The following BBX variants were observed in gnomAD, a reference collection of about 807,000 sequenced individuals.
BBX encodes BBX high mobility group box domain containing.
In BBX, 30 loss-of-function variants were observed where a neutral mutation model predicts 100.2. The ratio of observed to expected loss-of-function variants is 0.30; its 90% CI spans 0.22 to 0.41. The LOEUF (loss-of-function observed/expected upper bound fraction) is 0.41, where lower values mean the gene tolerates loss of function less well. Among genes scored for constraint, BBX ranks in the 10% least tolerant of loss-of-function variants. The pLI is 1.00. For missense variants in BBX, 1,023 were observed against 1,129.8 expected, an observed-to-expected ratio of 0.91 and a Z score of 1.35; for synonymous variants, 376 against 388.1, an observed-to-expected ratio of 0.97 and a Z score of 0.37.
intron 3 of BBX, among the ~76,000 whole-genome samples, chr3:107,653,748 A>G (rs1161508561): frequency 6.6e-6 from 1 of 152,174 alleles, no homozygotes. Context: ...ACATTACCAT[A>G]GGCACTTAGA....
chr3:107,716,411 AAGCAGAAGGATAC>A (rs1311154043), intron 4 of BBX, 183 bp from the exon 5 acceptor site: 1 of 619,282 alleles, frequency 1.6e-6, no homozygotes, highest in African/African-American at 1.8e-5. Context: ...TATAGAAACT[AAGCAGAAGGATAC>A]ATCATAAGTT....
chr3:107,628,292 G>T (rs911504649), intron 2 of BBX, among the ~76,000 whole-genome samples: 2 of 151,776 alleles, frequency 1.3e-5, no homozygotes, highest in Non-Finnish European at 1.5e-5. Context: ...AATAAGTAAA[G>T]ATATTGAATT....
chr3:107,591,380 G>A (rs558598), intron 2 of BBX, among the ~76,000 whole-genome samples: 23,982 of 152,128 alleles, frequency 0.16, 2,439 homozygotes, highest in African/African-American at 0.28. Flanking sequence ...ATTCAGGGGA[G>A]GAGTGTAAGT....
At chr3:107,633,541 T>C (rs1453931195) in intron 2 of BBX, among the ~76,000 whole-genome samples, 2 of 152,204 alleles carry the variant, frequency 1.3e-5, no homozygotes, top group South Asian at 2.1e-4. Flanking sequence ...GCGGACATGA[T>C]TGATTTCAGG....
intron 13 of BBX, among the ~76,000 whole-genome samples, chr3:107,781,604 C>T (rs544084353): frequency 1.3e-5 from 2 of 152,098 alleles, no homozygotes; most frequent in African/African-American, 4.8e-5. Context: ...TTTACATGTA[C>T]TGATAATGTA....
At chr3:107,541,242 C>T (rs2048840768) in intron 2 of BBX, among the ~76,000 whole-genome samples, 1 of 152,158 alleles carries the variant, frequency 6.6e-6, no homozygotes. Flanking sequence ...TTTGCAGTGG[C>T]TCCCCTGCGA....
At chr3:107,660,505 TA>T (rs34604623) in intron 3 of BBX, among the ~76,000 whole-genome samples, 41,140 of 100,982 alleles carry the variant, frequency 0.41, 8,828 homozygotes, top group Middle Eastern at 0.62. Flanking sequence ...CAAAAAGCAT[TA>T]AAAAAAAAAA....
chr3:107,570,041 A>G (rs1422060913), intron 2 of BBX, among the ~76,000 whole-genome samples: 2 of 152,176 alleles, frequency 1.3e-5, no homozygotes, highest in African/African-American at 4.8e-5. Context: ...AACATGGCTT[A>G]GGAGGAATCC....
In BBX at chr3:107,805,539, G is replaced by A; in HGVS notation, c.*82G>A. 6 of 1,610,398 alleles carry A rather than the reference G, an allele frequency of 3.7e-6. No individual in the cohort carries two copies. Among genetic ancestry groups the A allele is most frequent in the Non-Finnish European group, 4.2e-6 (5 of 1,177,962 alleles). On this transcript the variant is annotated 3_prime_UTR_variant, in exon 18 of 18. Coordinates refer to ENST00000325805, the MANE Select transcript of BBX (RefSeq NM_001142568.3). ...CCGAGGGATGCTAGTGAGTCCAAGT[G>A]GTGGAAAATATAGACTGCAAACAAG...
At position 107,716,677 on chromosome 3, in the gene BBX, A is replaced by C. The variant is rs766157331; in HGVS notation, c.233A>C (p.Gln78Pro). The C allele has an allele frequency of 6.2e-7, 1 of 1,613,868 alleles. No individual in the cohort carries two copies. The highest frequency in any genetic ancestry group is 8.5e-7 in the Non-Finnish European group (1 of 1,179,806). The change falls in exon 5 of 18, where the codon CAG becomes CCG. Residue 78 changes from glutamine (Q) to proline (P), a missense_variant. Coordinates refer to ENST00000325805, the MANE Select transcript of BBX (RefSeq NM_001142568.3). ...GETEDDESPE[Q>P]RARRPMNAFL... is the part of the protein sequence containing the mutation. ...ACTGAAGATGATGAATCACCAGAGCAGCGAGCCCGGAGACCAATGAATGCA... is the reference window on the plus strand; with the variant it reads ...ACTGAAGATGATGAATCACCAGAGCCGCGAGCCCGGAGACCAATGAATGCA...
chr3:107,579,537 A>T (rs2107544332), intron 2 of BBX, among the ~76,000 whole-genome samples: 2 of 152,310 alleles, frequency 1.3e-5, no homozygotes, highest in Middle Eastern at 6.8e-3. Flanking sequence ...TCCTGTCTGG[A>T]AGGGTCACAT....
At chr3:107,598,194 G>T (rs1273146517) in intron 2 of BBX, among the ~76,000 whole-genome samples, 4 of 152,082 alleles carry the variant, frequency 2.6e-5, no homozygotes, top group Admixed American at 6.5e-5. Flanking sequence ...ATTTCTAGGG[G>T]GTGTGTGTGT....
At position 107,747,833 on chromosome 3, in the gene BBX, C is replaced by T. The variant is rs796368292; in HGVS notation, c.751-132C>T. On this transcript the variant is annotated intron_variant, in intron 8 of 17. Coordinates refer to ENST00000325805, the MANE Select transcript of BBX (RefSeq NM_001142568.3). ...TTCCCTTATCATTTATACTGCTCTT[C>T]TAAAGGGATTGAGGGTAATGACTCA... 3 of 640,812 alleles carry T rather than the reference C, an allele frequency of 4.7e-6. No individual in the cohort carries two copies. The African/African-American group carries it at 5.6e-5, about 12-fold the overall frequency. The allele number at this position is 640,812 out of a possible 1,614,324, so 39.7% of individuals were successfully genotyped here.
At chr3:107,646,289 GA>G (rs2057515469) in intron 3 of BBX, among the ~76,000 whole-genome samples, 1 of 152,032 alleles carries the variant, frequency 6.6e-6, no homozygotes, top group Non-Finnish European at 1.5e-5. Flanking sequence ...GGCTTTAATT[GA>G]AAAATGAATC....
At chr3:107,653,172 A>G (rs974677355) in intron 3 of BBX, among the ~76,000 whole-genome samples, 1 of 152,168 alleles carries the variant, frequency 6.6e-6, no homozygotes, top group Non-Finnish European at 1.5e-5. Flanking sequence ...CAAGTTTGCC[A>G]TTAGTTTTAT....
chr3:107,548,828 T>C (rs1166355374), intron 2 of BBX, among the ~76,000 whole-genome samples: 2 of 152,208 alleles, frequency 1.3e-5, no homozygotes, highest in East Asian at 3.8e-4. Flanking sequence ...AACAAAATCA[T>C]GTCCTTTGCA....
intron 2 of BBX, among the ~76,000 whole-genome samples, chr3:107,624,362 T>A (rs2056011010): frequency 6.6e-6 from 1 of 152,226 alleles, no homozygotes; most frequent in Non-Finnish European, 1.5e-5. Flanking sequence ...TAAAAATTTT[T>A]ATTTTTTTAT....
rs776212199 is a variant in BBX at position 107,798,696 on chromosome 3, G to A, written c.2527G>A (p.Val843Ile). Reference sequence around the variant, plus strand: ...CCTTGTCAGGACAGCAGATGGCCGGGTATCACCAGCAGGAGGTACTTTGGG... The same window carrying A: ...CCTTGTCAGGACAGCAGATGGCCGGATATCACCAGCAGGAGGTACTTTGGG... ...THLVRTADGRVSPAGGTLDDK... is the reference protein window; with the variant it reads ...THLVRTADGRISPAGGTLDDK... Residue 843 changes from valine (V) to isoleucine (I), a missense_variant, in exon 16 of 18, where the codon GTA (valine) becomes ATA (isoleucine). By Grantham distance (29) the Val-to-Ile change is conservative (BLOSUM62 3). Coordinates refer to ENST00000325805, the MANE Select transcript of BBX (RefSeq NM_001142568.3). 8 of 1,614,024 alleles carry A rather than the reference G, an allele frequency of 5.0e-6. 2 individuals carry two copies. The South Asian group carries it at 8.8e-5, about 18-fold the overall frequency.
chr3:107,561,563 A>G (rs1393430390), intron 2 of BBX, among the ~76,000 whole-genome samples: 2 of 152,202 alleles, frequency 1.3e-5, no homozygotes. Context: ...AAATGAATGA[A>G]TTATTATGGA....
Sources: gnomAD v4.1 joint callset for allele counts (sites outside exome capture counted in the v4.1 genomes callset) on GRCh38, gnomAD v4.1.1 for gene constraint, MANE v1.5 for transcripts, NCBI Gene and HGNC (gene_info 2026-07-23, HGNC 2026-07-21) for gene names.